The following NTRK3 variants were observed in gnomAD, a reference collection of about 807,000 sequenced individuals.
NTRK3 encodes the protein neurotrophic receptor tyrosine kinase 3.
NTRK3 carries 24 observed loss-of-function variants against 91.7 expected under a neutral mutation model. That is an observed-to-expected ratio of 0.26 (90% CI 0.19 to 0.37). The LOEUF is 0.37. NTRK3 is among the 10% of genes least tolerant of loss of function. The probability of loss-of-function intolerance (pLI) is 1.00; values close to 1 mark genes in which losing one functional copy is unlikely to be tolerated. For synonymous variants in NTRK3, 483 were observed against 404.0 expected (o/e 1.20, Z -2.34); for missense variants, 880 against 1,068.9 (o/e 0.82, Z 2.46).
At chr15:88,011,322 A>G (rs2076866375) in intron 14 of NTRK3, among the ~76,000 whole-genome samples, 1 of 152,178 alleles carries the variant, frequency 6.6e-6, no homozygotes, top group South Asian at 2.1e-4. Flanking sequence ...AGAAATCAAA[A>G]TAGACAGGAT....
chr15:88,255,006 G>A lies in NTRK3; in HGVS notation c.248+900C>T, dbSNP rs527963602. Among the ~76,000 whole-genome samples the A allele has an allele frequency of 1.1e-4, 16 of 152,250 alleles. No homozygotes were observed. In the South Asian group the frequency reaches 3.1e-3, roughly 30 times the overall value. Reference sequence around the variant, plus strand: ...ATCCCCACCAAAGAAAAATAGCAAGGAGAAAAGAGCAGGCCACCACTGGTC... The same window carrying A: ...ATCCCCACCAAAGAAAAATAGCAAGAAGAAAAGAGCAGGCCACCACTGGTC... On this transcript the variant is annotated intron_variant, in intron 3 of 18. Coordinates refer to ENST00000394480, the Ensembl canonical transcript of NTRK3. The surrounding 1 kb of genome is among the most constrained non-coding windows in gnomAD (Gnocchi z 4.3).
intron 3 of NTRK3, among the ~76,000 whole-genome samples, chr15:88,199,019 T>C (rs1284738369): frequency 6.6e-6 from 1 of 152,128 alleles, no homozygotes; most frequent in African/African-American, 2.4e-5. Flanking sequence ...TTGAGACAAG[T>C]AACACTTCAT....
At chr15:88,203,225 C>T (rs1323653426) in intron 3 of NTRK3, among the ~76,000 whole-genome samples, 1 of 152,124 alleles carries the variant, frequency 6.6e-6, no homozygotes, top group Non-Finnish European at 1.5e-5. Context: ...CCTGAGATTA[C>T]TTCCCACATA....
At chr15:88,127,966 C>T (rs1054191939) in intron 11 of NTRK3, among the ~76,000 whole-genome samples, 3 of 152,136 alleles carry the variant, frequency 2.0e-5, no homozygotes, top group Non-Finnish European at 4.4e-5. Context: ...ATTACAAGTC[C>T]TCTAAGGCTG....
At chr15:87,889,154 G>A (rs1284451939) in intron 17 of NTRK3, among the ~76,000 whole-genome samples, 1 of 152,062 alleles carries the variant, frequency 6.6e-6, no homozygotes, top group Admixed American at 6.6e-5. Context: ...GGATCCCTGG[G>A]CAAGTCATTT....
intron 13 of NTRK3, among the ~76,000 whole-genome samples, chr15:88,100,084 T>C (rs571045223): frequency 6.6e-6 from 1 of 152,244 alleles, no homozygotes; most frequent in African/African-American, 2.4e-5. Flanking sequence ...AGGATAAAGG[T>C]TTCCCCATCA....
chr15:88,077,926 CAG>C (rs2047694489), intron 13 of NTRK3, among the ~76,000 whole-genome samples: 1 of 152,320 alleles, frequency 6.6e-6, no homozygotes, highest in Admixed American at 6.5e-5. Flanking sequence ...GCTGCAAAGA[CAG>C]AATCTCACAG....
chr15:87,864,624 C>T (rs1001770228), exon 19 of NTRK3: 11 of 230,820 alleles, frequency 4.8e-5, no homozygotes, highest in Non-Finnish European at 6.9e-5. Context: ...TCACCCTGAA[C>T]CAGTGACTAA....
chr15:88,069,529 C>T (rs1017349605), intron 13 of NTRK3, among the ~76,000 whole-genome samples: 6 of 152,066 alleles, frequency 3.9e-5, no homozygotes, highest in Non-Finnish European at 7.4e-5. Flanking sequence ...AGAGCTACAC[C>T]GGAACCTCCC....
chr15:88,002,263 G>A (rs1385320208), intron 14 of NTRK3, among the ~76,000 whole-genome samples: 9 of 143,824 alleles, frequency 6.3e-5, no homozygotes, highest in African/African-American at 2.4e-4. Flanking sequence ...AAAGCATTCA[G>A]GCTCACACAG....
intron 14 of NTRK3, among the ~76,000 whole-genome samples, chr15:87,941,374 G>A (rs530774489): frequency 6.6e-6 from 1 of 152,120 alleles, no homozygotes; most frequent in Admixed American, 6.5e-5. Context: ...TTCTTGTGAA[G>A]ATTAAATGAG....
chr15:87,953,068 CCCA>C (rs2071306468), intron 14 of NTRK3, among the ~76,000 whole-genome samples: 1 of 152,360 alleles, frequency 6.6e-6, no homozygotes, highest in African/African-American at 2.4e-5. Context: ...CAGGTGTTTT[CCCA>C]CCACATCCTC....
chr15:88,067,315 T>C, intron 13 of NTRK3, among the ~76,000 whole-genome samples: 1 of 152,212 alleles, frequency 6.6e-6, no homozygotes, highest in East Asian at 1.9e-4. Context: ...CATAACTCCC[T>C]ACAATAATTA....
At chr15:87,965,341 T>C (rs563644382) in intron 14 of NTRK3, among the ~76,000 whole-genome samples, 8 of 152,134 alleles carry the variant, frequency 5.3e-5, no homozygotes, top group Non-Finnish European at 8.8e-5. Flanking sequence ...TTCTCCAGGG[T>C]CTTTACCTTT....
At chr15:88,145,576 A>C (rs2042814848) in intron 6 of NTRK3, among the ~76,000 whole-genome samples, 1 of 152,194 alleles carries the variant, frequency 6.6e-6, no homozygotes, top group East Asian at 1.9e-4. Context: ...ATATCCACGG[A>C]ACAACTGTTT....
intron 3 of NTRK3, among the ~76,000 whole-genome samples, chr15:88,252,367 A>G (rs1018497238): frequency 1.3e-5 from 2 of 152,148 alleles, no homozygotes; most frequent in Non-Finnish European, 2.9e-5. Context: ...CAGCCAGAAG[A>G]GGGCCTTCAG....
At chr15:88,038,001 G>C (rs1266302811) in intron 13 of NTRK3, among the ~76,000 whole-genome samples, 8 of 152,166 alleles carry the variant, frequency 5.3e-5, no homozygotes. Flanking sequence ...CCCTCCACCA[G>C]CACTGCCTCC....
chr15:88,256,196 G>A, intron 2 of NTRK3, 28 bp from the exon 3 acceptor site: 1 of 1,392,802 alleles, frequency 7.2e-7, no homozygotes, highest in Non-Finnish European at 9.8e-7. Flanking sequence ...GAGAGGAGAG[G>A]GGGGTGGGGT....
At chr15:87,984,445 G>A (rs544718413) in intron 14 of NTRK3, among the ~76,000 whole-genome samples, 6 of 152,280 alleles carry the variant, frequency 3.9e-5, no homozygotes, top group South Asian at 4.1e-4. Context: ...TGTAGTTATC[G>A]CTTTTTTGAG....
Sources: allele counts gnomAD v4.1 joint callset (sites outside exome capture counted in the v4.1 genomes callset), GRCh38; gene constraint gnomAD v4.1.1; non-coding constraint Gnocchi (gnomAD v3.1); transcripts MANE v1.5; gene names NCBI Gene and HGNC (gene_info 2026-07-23, HGNC 2026-07-21).